The following TTC7B variants were observed in gnomAD, a reference collection of about 807,000 sequenced individuals.
The protein encoded by TTC7B is tetratricopeptide repeat protein 7B.
In TTC7B, 28 loss-of-function variants were observed where a neutral mutation model predicts 106.8. The ratio of observed to expected loss-of-function variants is 0.26; its 90% CI spans 0.19 to 0.36. The LOEUF (loss-of-function observed/expected upper bound fraction) is 0.36. Ranked by LOEUF, TTC7B falls within the 10% of genes least tolerant of loss-of-function variation. The probability of loss-of-function intolerance (pLI) is 1.00; values close to 1 mark genes in which losing one functional copy is unlikely to be tolerated. For synonymous variants in TTC7B, 405 were observed against 430.6 expected (o/e 0.94, Z 0.74); for missense variants, 862 against 1,076.4 (o/e 0.80, Z 2.79).
chr14:90,732,318 T>A (rs1425847522), intron 4 of TTC7B, among the ~76,000 whole-genome samples: 2 of 152,218 alleles, frequency 1.3e-5, no homozygotes, highest in Non-Finnish European at 2.9e-5. Context: ...CAGGACTTCC[T>A]GTTAGATTTC....
At chr14:90,664,362 T>C (rs1886326137) in intron 9 of TTC7B, among the ~76,000 whole-genome samples, 1 of 152,148 alleles carries the variant, frequency 6.6e-6, no homozygotes, top group African/African-American at 2.4e-5. Context: ...CTCCGCCTCC[T>C]GGGATCAAGC....
intron 15 of TTC7B, among the ~76,000 whole-genome samples, chr14:90,621,987 A>C (rs1884224485): frequency 6.6e-6 from 1 of 152,222 alleles, no homozygotes; most frequent in South Asian, 2.1e-4. Flanking sequence ...GGCAAAAAGA[A>C]AATTATGGAA....
At chr14:90,793,503 C>T (rs1281049766) in intron 1 of TTC7B, among the ~76,000 whole-genome samples, 5 of 134,542 alleles carry the variant, frequency 3.7e-5, no homozygotes, top group South Asian at 4.7e-4. Flanking sequence ...CCAGCCTTGG[C>T]GAAAGAGCAA....
chr14:90,524,865 T>A lies in TTC7B; in HGVS notation c.*16503A>T, dbSNP rs1364978626. 2 of 146,962 alleles carry A rather than the reference T, an allele frequency of 1.4e-5. No homozygotes were observed. Among genetic ancestry groups the A allele is most frequent in the African/African-American group, 5.1e-5 (2 of 39,458 alleles). The allele number at this position is 146,962 out of a possible 1,614,324, so 9.1% of individuals were successfully genotyped here. On this transcript the variant is annotated 3_prime_UTR_variant, in exon 20 of 20. Transcript: ENST00000328459. ...GGAGACTGAGGCCAGGCTGTACTCA[T>A]CTCCATTACGAGGCCTTTTTTTTTA...
chr14:90,765,194 A>G (rs1890633236), intron 3 of TTC7B, among the ~76,000 whole-genome samples: 1 of 152,220 alleles, frequency 6.6e-6, no homozygotes, highest in African/African-American at 2.4e-5. Flanking sequence ...AAATGAAAAG[A>G]AGCCAGATAC....
At chr14:90,644,708 C>T (rs564767005) in intron 14 of TTC7B, 8 of 152,824 alleles carry the variant, frequency 5.2e-5, no homozygotes, top group African/African-American at 1.9e-4. Flanking sequence ...TTTAACAGAG[C>T]TTTCCGAGTG....
chr14:90,692,581 C>T (rs1887517852), intron 6 of TTC7B, among the ~76,000 whole-genome samples: 1 of 152,192 alleles, frequency 6.6e-6, no homozygotes, highest in Non-Finnish European at 1.5e-5. Flanking sequence ...ATGCTCCATA[C>T]TTAAGCAATT....
At chr14:90,725,089 C>G (rs977007556) in intron 5 of TTC7B, among the ~76,000 whole-genome samples, 3 of 152,172 alleles carry the variant, frequency 2.0e-5, no homozygotes, top group Non-Finnish European at 2.9e-5. Context: ...TAAATGCTTA[C>G]AGGAAACGTG....
chr14:90,788,257 G>A (rs1355624770), intron 1 of TTC7B, among the ~76,000 whole-genome samples: 5 of 152,130 alleles, frequency 3.3e-5, no homozygotes, highest in South Asian at 2.1e-4. Flanking sequence ...TACAAAGTGC[G>A]ACTCCAGTGC....
chr14:90,724,237 C>T (rs1889004071), intron 5 of TTC7B, among the ~76,000 whole-genome samples: 2 of 152,168 alleles, frequency 1.3e-5, no homozygotes, highest in South Asian at 4.1e-4. Flanking sequence ...ATAACACATA[C>T]AACTATCCTG....
At chr14:90,555,969 A>G (rs1369476807) in intron 19 of TTC7B, among the ~76,000 whole-genome samples, 3 of 152,218 alleles carry the variant, frequency 2.0e-5, no homozygotes, top group African/African-American at 7.2e-5. Context: ...CGGGGTCCAC[A>G]TGAGCTCCCT....
chr14:90,643,297 A>G (rs976467130), intron 15 of TTC7B, among the ~76,000 whole-genome samples: 32 of 152,038 alleles, frequency 2.1e-4, no homozygotes, highest in African/African-American at 7.7e-4. Context: ...AGTCCCAGCT[A>G]CTAGGGAAGC....
intron 2 of TTC7B, among the ~76,000 whole-genome samples, chr14:90,782,705 C>T (rs764316878): frequency 6.6e-6 from 1 of 152,172 alleles, no homozygotes; most frequent in Admixed American, 6.5e-5. Context: ...TACCCTCCTT[C>T]CCCAAGCTTC....
intron 4 of TTC7B, among the ~76,000 whole-genome samples, chr14:90,731,145 G>A (rs1889312435): frequency 6.6e-6 from 1 of 151,984 alleles, no homozygotes. Flanking sequence ...AGAGACGGGG[G>A]TTTCACCACG....
chr14:90,589,489 G>A (rs1891864613), intron 18 of TTC7B, among the ~76,000 whole-genome samples: 1 of 152,170 alleles, frequency 6.6e-6, no homozygotes, highest in South Asian at 2.1e-4. Flanking sequence ...TTCTTATACT[G>A]TATTGTTTAG....
intron 3 of TTC7B, among the ~76,000 whole-genome samples, chr14:90,778,140 G>T (rs1226487342): frequency 6.6e-6 from 1 of 152,144 alleles, no homozygotes; most frequent in African/African-American, 2.4e-5. Context: ...CCCCCAGGCT[G>T]CTGGCCACTT....
At chr14:90,619,879 T>G in intron 15 of TTC7B, among the ~76,000 whole-genome samples, 1 of 152,218 alleles carries the variant, frequency 6.6e-6, no homozygotes, top group East Asian at 1.9e-4. Context: ...CTACTTTTTC[T>G]ATAAAGCAAG....
intron 3 of TTC7B, among the ~76,000 whole-genome samples, chr14:90,773,459 C>T: frequency 6.6e-6 from 1 of 152,098 alleles, no homozygotes; most frequent in East Asian, 1.9e-4. Flanking sequence ...CTTTGAATCC[C>T]ATCTCAACTC....
intron 1 of TTC7B, among the ~76,000 whole-genome samples, chr14:90,799,863 T>C (rs899876807): frequency 1.4e-4 from 22 of 152,168 alleles, no homozygotes; most frequent in African/African-American, 5.1e-4. Flanking sequence ...GGAGTCTCGC[T>C]CTGTCGCCCA....
Sources: gnomAD v4.1 joint callset for allele counts (sites outside exome capture counted in the v4.1 genomes callset) on GRCh38, gnomAD v4.1.1 for gene constraint, MANE v1.5 for transcripts, NCBI Gene and HGNC (gene_info 2026-07-23, HGNC 2026-07-21) for gene names.